The following CELF5 variants were observed in gnomAD, a reference collection of about 807,000 sequenced individuals.
CELF5 encodes the protein CUG-BP and ETR-3 like factor 5.
A neutral mutation model predicts 54.9 loss-of-function variants in CELF5; 6 were observed. That is an observed-to-expected ratio of 0.11 (90% CI 0.06 to 0.22). CELF5 has a LOEUF of 0.22. Among genes scored for constraint, CELF5 ranks in the 10% least tolerant of loss-of-function variants. The pLI is 1.00. For missense variants in CELF5, 401 were observed against 678.6 expected, an observed-to-expected ratio of 0.59 and a Z score of 4.54; for synonymous variants, 271 against 290.9, an observed-to-expected ratio of 0.93 and a Z score of 0.70.
At chr19:3,225,077 A>G in intron 1 of CELF5, 79 bp downstream of exon 1, 2 of 818,470 alleles carry the variant, frequency 2.4e-6, no homozygotes, top group Non-Finnish European at 3.4e-6. Context: ...CTCCCCCATC[A>G]CCATCCCTCC....
intron 2 of CELF5, among the ~76,000 whole-genome samples, chr19:3,251,536 G>T (rs1453161173): frequency 6.6e-6 from 1 of 152,026 alleles, no homozygotes; most frequent in Non-Finnish European, 1.5e-5. Flanking sequence ...TGAAGGCTGT[G>T]TGGACCATGG....
In CELF5 at chr19:3,224,747, G is replaced by A; in HGVS notation, c.8G>A (p.Arg3His). 1 of 1,369,576 alleles carries A rather than the reference G, an allele frequency of 7.3e-7. No individual in the cohort carries two copies. Among genetic ancestry groups the A allele is most frequent in the Non-Finnish European group, 9.5e-7 (1 of 1,058,144 alleles). The allele number at this position is 1,369,576 out of a possible 1,614,324, so 84.8% of individuals were successfully genotyped here. A position where few individuals can be genotyped will look rare whatever the true frequency, so the allele number is the denominator to read the frequency against. MA[R>H]LTESEARRQQ... ...CTCGGTCCCGCGCCCGCCATGGCCC[G>A]CCTGACGGAGAGCGAGGCGCGCCGG... is the stretch of plus-strand genomic sequence containing the variant. The change falls in exon 1 of 13, where the codon CGC becomes CAC. Residue 3 changes from arginine (R) to histidine (H), a missense_variant. Physicochemically the swap from Arg to His is conservative, Grantham distance 29. Transcript: ENST00000292672.
At chr19:3,250,010 C>G (rs547462320) in intron 1 of CELF5, among the ~76,000 whole-genome samples, 1 of 152,300 alleles carries the variant, frequency 6.6e-6, no homozygotes, top group African/African-American at 2.4e-5. Flanking sequence ...CCTCCTCTCC[C>G]TCTTCCTGGT....
chr19:3,230,366 CACTT>C (rs1425716472), intron 1 of CELF5, among the ~76,000 whole-genome samples: 2 of 152,188 alleles, frequency 1.3e-5, no homozygotes, highest in African/African-American at 2.4e-5. Flanking sequence ...TTCACAGAAA[CACTT>C]ACTGTGTTCC....
chr19:3,275,997 G>A lies in CELF5; in HGVS notation c.523+13G>A. 1 of 1,600,090 alleles carries A rather than the reference G, an allele frequency of 6.2e-7. No homozygotes were observed. The highest frequency in any genetic ancestry group is 1.1e-5 in the South Asian group (1 of 90,158). On this transcript the variant is annotated intron_variant, in intron 4 of 12. Coordinates refer to ENST00000292672, the MANE Select transcript of CELF5 (RefSeq NM_021938.4). This position sits in a 1 kb window ranked among gnomAD's most constrained non-coding sequence, Gnocchi z 6.7. ...GGCAGCAGCAAAGGTGACTGGCGGGGGCCGGGGCGGGACTGCGAGAGGGGC... is the reference window on the plus strand; with the variant it reads ...GGCAGCAGCAAAGGTGACTGGCGGGAGCCGGGGCGGGACTGCGAGAGGGGC...
chr19:3,246,148 G>A (rs1478844843), intron 1 of CELF5, among the ~76,000 whole-genome samples: 1 of 152,212 alleles, frequency 6.6e-6, no homozygotes, highest in Non-Finnish European at 1.5e-5. Context: ...TGGATCACTT[G>A]AGATCAGGAG....
chr19:3,269,536 G>T (rs1302728272), intron 2 of CELF5, among the ~76,000 whole-genome samples: 1 of 152,088 alleles, frequency 6.6e-6, no homozygotes, highest in Non-Finnish European at 1.5e-5. Flanking sequence ...GAGACTCCTT[G>T]GCTGCCCCAG....
At chr19:3,242,189 G>A (rs549499488) in intron 1 of CELF5, among the ~76,000 whole-genome samples, 1 of 152,270 alleles carries the variant, frequency 6.6e-6, no homozygotes, top group African/African-American at 2.4e-5. Context: ...CCAGGCAGTG[G>A]ATCTCAGCTG....
chr19:3,268,903 A>G lies in CELF5; in HGVS notation c.343-4969A>G, dbSNP rs1256845071. Among the ~76,000 whole-genome samples the G allele has an allele frequency of 6.6e-6, 1 of 152,010 alleles. No homozygotes were observed. The highest frequency in any genetic ancestry group is 1.5e-5 in the Non-Finnish European group (1 of 68,004). On this transcript the variant is annotated intron_variant, in intron 2 of 12. Transcript: ENST00000292672. The surrounding 1 kb of genome is among the most constrained non-coding windows in gnomAD (Gnocchi z 4.4). Reference sequence around the variant, plus strand: ...TGTCACCAGCCACGTTCAGGGGGCCATGGCAGGAGGAGCGGGGAGGAATGA... The same window carrying G: ...TGTCACCAGCCACGTTCAGGGGGCCGTGGCAGGAGGAGCGGGGAGGAATGA...
chr19:3,261,095 T>C (rs1599432614), intron 2 of CELF5, among the ~76,000 whole-genome samples: 1 of 152,072 alleles, frequency 6.6e-6, no homozygotes, highest in African/African-American at 2.4e-5. Context: ...TTTTACAAAA[T>C]GCACCTACAG....
Position 3,275,741 on chromosome 19 carries a change from C to A in CELF5, c.395-115C>A. On this transcript the variant is annotated intron_variant, in intron 3 of 12. Coordinates refer to ENST00000292672, the MANE Select transcript of CELF5 (RefSeq NM_021938.4). The surrounding 1 kb of genome is among the most constrained non-coding windows in gnomAD (Gnocchi z 6.7). Reference sequence around the variant, plus strand: ...ACGCGCAGAACCGGAGCCGGCAGGGCCCGGGCGCCGCGTCTTCCTGCCCTG... The same window carrying A: ...ACGCGCAGAACCGGAGCCGGCAGGGACCGGGCGCCGCGTCTTCCTGCCCTG... 1 of 1,170,048 alleles carries A rather than the reference C, an allele frequency of 8.5e-7. No individual in the cohort carries two copies. The highest frequency in any genetic ancestry group is 1.2e-6 in the Non-Finnish European group (1 of 858,814). 72.5% of individuals were successfully genotyped at this position (1,170,048 alleles called of 1,614,324 possible).
rs1341938567 is a variant in CELF5, at chr19:3,268,369, G to GCT, written c.343-5501_343-5500dup. Among the ~76,000 whole-genome samples, 1 of 152,160 alleles carries GCT rather than the reference G, an allele frequency of 6.6e-6. No homozygotes were observed. The highest frequency in any genetic ancestry group is 1.5e-5 in the Non-Finnish European group (1 of 68,036). On this transcript the variant is annotated intron_variant, in intron 2 of 12. Coordinates refer to ENST00000292672, the MANE Select transcript of CELF5 (RefSeq NM_021938.4). This position sits in a 1 kb window ranked among gnomAD's most constrained non-coding sequence, Gnocchi z 4.4. Reference sequence around the variant, plus strand: ...GTCAGGTGCTGAACGCAGAACCCGAGCTCGGCACACAGGCACAGAATAAAT... The same window carrying GCT: ...GTCAGGTGCTGAACGCAGAACCCGAGCTCTCGGCACACAGGCACAGAATAAAT...
chr19:3,238,048 C>CA (rs200012959), intron 1 of CELF5, among the ~76,000 whole-genome samples: 41 of 150,474 alleles, frequency 2.7e-4, no homozygotes, highest in Admixed American at 1.5e-3. Flanking sequence ...GGCTCTGTCT[C>CA]AAAAAAAAGA....
At chr19:3,256,064 C>CAGAAAAAAAAAAAAGAAA (rs372488135) in intron 2 of CELF5, among the ~76,000 whole-genome samples, 1 of 139,560 alleles carries the variant, frequency 7.2e-6, no homozygotes, top group African/African-American at 2.7e-5. Flanking sequence ...GACCCTGTCT[C>CAGAAAAAAAAAAAAGAAA]AAAAAAAAAG....
intron 1 of CELF5, among the ~76,000 whole-genome samples, chr19:3,230,778 T>C (rs966710319): frequency 6.6e-6 from 1 of 151,920 alleles, no homozygotes; most frequent in African/African-American, 2.4e-5. Context: ...ATGGACAAAA[T>C]AGAAGCTTCC....
chr19:3,241,377 G>A (rs10426752), intron 1 of CELF5, among the ~76,000 whole-genome samples: 2,585 of 151,996 alleles, frequency 0.017, 66 homozygotes, highest in African/African-American at 0.06. Context: ...CACCGCGCCC[G>A]GCCTAAAGAT....
intron 4 of CELF5, among the ~76,000 whole-genome samples, chr19:3,277,063 G>T (rs1158207993): frequency 6.6e-6 from 1 of 152,206 alleles, no homozygotes; most frequent in East Asian, 1.9e-4. Flanking sequence ...CCAAATGACG[G>T]TGTCTGGCGG....
At chr19:3,286,055 C>T in intron 10 of CELF5, 30 bp downstream of exon 10, 8 of 1,507,400 alleles carry the variant, frequency 5.3e-6, no homozygotes, top group Non-Finnish European at 7.1e-6. Context: ...CCCTGGGCGC[C>T]AGCCCCGCCC....
At chr19:3,284,267 T>G (rs776257735) in intron 8 of CELF5, among the ~76,000 whole-genome samples, 10 of 152,040 alleles carry the variant, frequency 6.6e-5, no homozygotes, top group Admixed American at 1.3e-4. Context: ...GATACAGAAC[T>G]GCTTCTTGCC....
Sources: gnomAD v4.1 joint callset for allele counts (sites outside exome capture counted in the v4.1 genomes callset) on GRCh38, gnomAD v4.1.1 for gene constraint, Gnocchi (gnomAD v3.1) non-coding constraint, MANE v1.5 for transcripts, NCBI Gene and HGNC (gene_info 2026-07-23, HGNC 2026-07-21) for gene names.